The following SLC25A53 variants were observed in gnomAD, a reference collection of about 807,000 sequenced individuals.
SLC25A53 encodes solute carrier family 25 member 53, also known as mitochondrial carrier triple repeat protein 6.
In SLC25A53, 5 loss-of-function variants were observed where a neutral mutation model predicts 15.0. The observed-to-expected ratio is 0.33, with a 90% CI of 0.17 to 0.70. The LOEUF is 0.70. SLC25A53 is among the 30% of genes least tolerant of loss of function. SLC25A53 has a pLI of 0.67. For synonymous variants in SLC25A53, 95 were observed against 100.0 expected (o/e 0.95, Z 0.30); for missense variants, 216 against 241.6 (o/e 0.89, Z 0.70).
At chrX:104,119,688 G>T (rs1476285942) in intron 1 of SLC25A53, among the ~76,000 whole-genome samples, 1 of 109,594 alleles carries the variant, frequency 9.1e-6, no homozygotes. Context: ...CTCTTTAAGC[G>T]GGGGGCGGGG....
intron 1 of SLC25A53, among the ~76,000 whole-genome samples, chrX:104,111,521 TA>T (rs1174003071): frequency 9.0e-5 from 10 of 110,617 alleles, no homozygotes; most frequent in Admixed American, 2.9e-4. Context: ...AAAAGATTAA[TA>T]AAAAAAATGA....
At chrX:104,115,416 A>G in intron 1 of SLC25A53, 1 of 863,195 alleles carries the variant, frequency 1.2e-6, no homozygotes, top group East Asian at 3.4e-5. Flanking sequence ...AACTGCATGA[A>G]TTAATCCACA....
intron 1 of SLC25A53, among the ~76,000 whole-genome samples, chrX:104,111,470 G>A (rs782759813): frequency 2.7e-5 from 3 of 109,634 alleles, no homozygotes; most frequent in Non-Finnish European, 5.7e-5. Context: ...TATAAAACAG[G>A]CAGCTTGTTG....
At chrX:104,137,736 G>A (rs2075440429) in intron 1 of SLC25A53, among the ~76,000 whole-genome samples, 1 of 111,531 alleles carries the variant, frequency 9.0e-6, no homozygotes, top group South Asian at 3.7e-4. Flanking sequence ...GAACTCAGCT[G>A]CATTGACCAA....
chrX:104,149,724 G>A (rs1556370003), intron 1 of SLC25A53, among the ~76,000 whole-genome samples: 1 of 112,026 alleles, frequency 8.9e-6, no homozygotes. Flanking sequence ...AAGGAGAGGA[G>A]ACATTTGACC....
chrX:104,109,120 T>C (rs1343488723), intron 1 of SLC25A53, among the ~76,000 whole-genome samples: 4 of 111,577 alleles, frequency 3.6e-5, no homozygotes, highest in African/African-American at 1.3e-4. Context: ...GGGCAAGCAT[T>C]CTAGGCTGAG....
Position 104,115,007 on chromosome X carries a change from G to A in SLC25A53, c.-31-9719C>T, listed in dbSNP as rs1873265248. 3.4e-6 allele frequency: 4 copies of A among 1,191,439 alleles called. No individual in the cohort carries two copies. In the South Asian group the frequency reaches 7.4e-5, roughly 22 times the overall value. On this transcript the variant is annotated intron_variant, in intron 1 of 1. Transcript: ENST00000594199. ...CCTACAGGTGCCCCTCCCTTCAGAG[G>A]AAGAGCCAGACCTCTGGATCAAGTG...
At chrX:104,111,437 G>A (rs1569460369) in intron 1 of SLC25A53, among the ~76,000 whole-genome samples, 1 of 110,465 alleles carries the variant, frequency 9.1e-6, no homozygotes, top group Non-Finnish European at 1.9e-5. Flanking sequence ...GGTCACAAAG[G>A]GCTGTCGAAA....
In SLC25A53 at chrX:104,104,117, T is replaced by C. The variant is rs1556354184; in HGVS notation, c.*217A>G. 2.5e-6 allele frequency: 1 copy of C among 398,064 alleles called. No individual in the cohort carries two copies. Among genetic ancestry groups the C allele is most frequent in the Non-Finnish European group, 4.4e-6 (1 of 229,265 alleles). The allele number at this position is 398,064 out of a possible 1,213,427, so 32.8% of individuals were successfully genotyped here. Reference sequence around the variant, plus strand: ...CTCCTGGCTCTGAGGCTACTGAAACTGTGGAGAGACTGGGGTGAACGTTTC... The same window carrying C: ...CTCCTGGCTCTGAGGCTACTGAAACCGTGGAGAGACTGGGGTGAACGTTTC... On this transcript the variant is annotated 3_prime_UTR_variant, in exon 2 of 2. Coordinates refer to ENST00000594199, the MANE Select transcript of SLC25A53 (RefSeq NM_001012755.5).
rs782398979 is a variant in SLC25A53 at position 104,110,563 on chromosome X, T to C, written c.-31-5275A>G. On this transcript the variant is annotated intron_variant, in intron 1 of 1. Coordinates refer to ENST00000594199, the MANE Select transcript of SLC25A53 (RefSeq NM_001012755.5). ...GGGCATCAGACTGTTTACTTGCTTC[T>C]AAACATCAGGAGTCAAGAACAAGCC... Among the ~76,000 whole-genome samples, 16 of 112,405 alleles carry C rather than the reference T, an allele frequency of 1.4e-4. No homozygotes were observed. The South Asian group carries it at 1.9e-3, about 13-fold the overall frequency.
chrX:104,106,554 A>C (rs1412338115), intron 1 of SLC25A53, among the ~76,000 whole-genome samples: 2 of 111,266 alleles, frequency 1.8e-5, no homozygotes, highest in Non-Finnish European at 3.8e-5. Flanking sequence ...AGTTTCACAC[A>C]GAACCCTGGG....
At chrX:104,134,007 C>T (rs977638808) in intron 1 of SLC25A53, among the ~76,000 whole-genome samples, 1 of 111,857 alleles carries the variant, frequency 8.9e-6, no homozygotes, top group East Asian at 2.8e-4. Context: ...CTCAACCAAT[C>T]GAATCAACTG....
chrX:104,106,463 G>A (rs782554049), intron 1 of SLC25A53, among the ~76,000 whole-genome samples: 13 of 111,101 alleles, frequency 1.2e-4, no homozygotes, highest in East Asian at 8.5e-4. Context: ...GGGGAGAGGC[G>A]GAGGGGCATG....
At chrX:104,147,807 G>A (rs1384700986) in intron 1 of SLC25A53, among the ~76,000 whole-genome samples, 4 of 109,981 alleles carry the variant, frequency 3.6e-5, no homozygotes, top group African/African-American at 1.3e-4. Flanking sequence ...AACAACAGGT[G>A]CTGGAGAGGA....
intron 1 of SLC25A53, among the ~76,000 whole-genome samples, chrX:104,134,205 A>T (rs1380930184): frequency 1.8e-5 from 2 of 111,977 alleles, no homozygotes; most frequent in African/African-American, 6.5e-5. Flanking sequence ...ATGTGTGGCA[A>T]TATCATCCTC....
At position 104,101,130 on chromosome X, in the gene SLC25A53, T is replaced by C. The variant is rs2075278628; in HGVS notation, c.*3204A>G. 1 of 112,173 alleles carries C rather than the reference T, an allele frequency of 8.9e-6. No homozygotes were observed. The highest frequency in any genetic ancestry group is 9.4e-5 in the Admixed American group (1 of 10,597). 9.2% of individuals were successfully genotyped at this position (112,173 alleles called of 1,213,427 possible). ...GGGAAATACTTAACGTTTACCACTT[T>C]ATTATAAAGGATATATCAAAGGATA... On this transcript the variant is annotated 3_prime_UTR_variant, in exon 2 of 2. Coordinates refer to ENST00000594199, the MANE Select transcript of SLC25A53 (RefSeq NM_001012755.5).
intron 1 of SLC25A53, among the ~76,000 whole-genome samples, chrX:104,146,057 A>C (rs1443648218): frequency 1.8e-5 from 2 of 112,147 alleles, no homozygotes; most frequent in East Asian, 5.6e-4. Context: ...GAAAATCCTC[A>C]ATAAAATGCT....
chrX:104,118,819 G>A (rs1473415894), intron 1 of SLC25A53, among the ~76,000 whole-genome samples: 4 of 112,250 alleles, frequency 3.6e-5, no homozygotes, highest in African/African-American at 1.3e-4. Context: ...GGAAAGCAAG[G>A]TCAACAGACA....
rs1299655188 is a variant in SLC25A53, at chrX:104,102,472, A to G, written c.*1862T>C. 3.6e-5 allele frequency: 4 copies of G among 112,445 alleles called. No homozygotes were observed. Among genetic ancestry groups the G allele is most frequent in the African/African-American group, 6.5e-5 (2 of 30,938 alleles). 9.3% of individuals were successfully genotyped at this position (112,445 alleles called of 1,213,427 possible). A position where few individuals can be genotyped will look rare whatever the true frequency, so the allele number is the denominator to read the frequency against. On this transcript the variant is annotated 3_prime_UTR_variant, in exon 2 of 2. Coordinates refer to ENST00000594199, the MANE Select transcript of SLC25A53 (RefSeq NM_001012755.5). ...GTGCCAGTTGAAAGTAATTTTTATT[A>G]TTGTTATTATTATTATCAGTAGCAG...
Sources: allele counts gnomAD v4.1 joint callset (sites outside exome capture counted in the v4.1 genomes callset), GRCh38; gene constraint gnomAD v4.1.1; transcripts MANE v1.5; gene names NCBI Gene and HGNC (gene_info 2026-07-23, HGNC 2026-07-21).